MYO18B: variants seen among roughly 807,000 people sequenced by gnomAD.
MYO18B encodes unconventional myosin-XVIIIb.
MYO18B carries 204 observed loss-of-function variants against 273.0 expected under a neutral mutation model. The ratio of observed to expected loss-of-function variants is 0.75; its 90% confidence interval spans 0.67 to 0.84. The LOEUF (loss-of-function observed/expected upper bound fraction) is 0.84. MYO18B is among the 40% of genes least tolerant of loss of function. MYO18B has a pLI of 0.00. For missense variants in MYO18B, 3,212 were observed against 3,287.6 expected, an observed-to-expected ratio of 0.98 and a Z score of 0.56; for synonymous variants, 1,330 against 1,305.7, an observed-to-expected ratio of 1.02 and a Z score of -0.40.
At chr22:25,841,859 T>A (rs2269632) in intron 17 of MYO18B, among the ~76,000 whole-genome samples, 1 of 152,156 alleles carries the variant, frequency 6.6e-6, no homozygotes, top group Admixed American at 6.5e-5. Context: ...ACCTGTAGCA[T>A]TGTAAATGCA....
intron 21 of MYO18B, among the ~76,000 whole-genome samples, chr22:25,853,887 G>A (rs923690805): frequency 6.6e-6 from 1 of 152,068 alleles, no homozygotes; most frequent in African/African-American, 2.4e-5. Flanking sequence ...AATTTTGGTA[G>A]CAACGAAAAG....
At chr22:25,856,825 C>G (rs2090587150) in intron 21 of MYO18B, among the ~76,000 whole-genome samples, 1 of 152,128 alleles carries the variant, frequency 6.6e-6, no homozygotes, top group Admixed American at 6.5e-5. Flanking sequence ...TGGGCTTTAT[C>G]AGGTGTTCAG....
At chr22:25,895,401 T>C in intron 28 of MYO18B, 121 bp downstream of exon 28, 1 of 1,221,358 alleles carries the variant, frequency 8.2e-7, no homozygotes, top group Non-Finnish European at 1.1e-6. Flanking sequence ...CACAAACCCC[T>C]TAAGGTTTTT....
At chr22:25,835,207 C>T in intron 16 of MYO18B, 89 bp from the exon 17 acceptor site, 2 of 1,455,902 alleles carry the variant, frequency 1.4e-6, no homozygotes, top group Non-Finnish European at 9.1e-7. Flanking sequence ...GACTTGGATG[C>T]TCTCATTCCC....
intron 11 of MYO18B, among the ~76,000 whole-genome samples, chr22:25,796,579 G>A (rs1158540812): frequency 2.1e-5 from 3 of 141,434 alleles, no homozygotes; most frequent in African/African-American, 8.1e-5. Context: ...CTGGGCCGTA[G>A]AGTGAGACCC....
chr22:25,767,714 T>C (rs1380315290), intron 3 of MYO18B, among the ~76,000 whole-genome samples: 5 of 152,226 alleles, frequency 3.3e-5, no homozygotes, highest in Non-Finnish European at 7.3e-5. Flanking sequence ...GAGGACACAC[T>C]ATGCGCTGGG....
rs755816441 is a variant in MYO18B at position 25,777,808 on chromosome 22, G to A, written c.2068+27G>A. Reference sequence around the variant, plus strand: ...TATGGTGGTCTCTAGGTGACATGGAGAGTTGGGGTCAGCACGGGGAGAGTT... The same window carrying A: ...TATGGTGGTCTCTAGGTGACATGGAAAGTTGGGGTCAGCACGGGGAGAGTT... On this transcript the variant is annotated intron_variant, in intron 8 of 43. Coordinates refer to ENST00000335473, the MANE Select transcript of MYO18B (RefSeq NM_032608.7). The A allele has an allele frequency of 2.6e-6, 4 of 1,559,858 alleles. No homozygotes were observed. The South Asian group carries it at 4.9e-5, about 19-fold the overall frequency.
At chr22:25,813,888 ATCC>A (rs1213685796) in intron 12 of MYO18B, among the ~76,000 whole-genome samples, 1 of 152,130 alleles carries the variant, frequency 6.6e-6, no homozygotes, top group Non-Finnish European at 1.5e-5. Flanking sequence ...CAGACCCTGC[ATCC>A]TCCTCCCTGC....
At chr22:25,921,463 G>A (rs2092341018) in intron 34 of MYO18B, 54 bp downstream of exon 34, 3 of 1,552,864 alleles carry the variant, frequency 1.9e-6, no homozygotes, top group Admixed American at 1.9e-5. Flanking sequence ...GCTACGACCT[G>A]CAGAGAATTG....
At chr22:25,932,463 C>T (rs1363619900) in intron 34 of MYO18B, among the ~76,000 whole-genome samples, 1 of 127,158 alleles carries the variant, frequency 7.9e-6, no homozygotes, top group African/African-American at 3.3e-5. Flanking sequence ...GGCTGGAGTG[C>T]AGTGGCATGA....
intron 11 of MYO18B, among the ~76,000 whole-genome samples, chr22:25,797,521 C>G (rs1323034873): frequency 2.6e-5 from 4 of 152,106 alleles, no homozygotes; most frequent in African/African-American, 9.7e-5. Flanking sequence ...ACCTATAGAC[C>G]CTATATGGCC....
Position 25,761,079 on chromosome 22 carries a change from G to A in MYO18B, c.-14G>A, listed in dbSNP as rs1219423887. 6.2e-7 allele frequency: 1 copy of A among 1,613,340 alleles called. No individual in the cohort carries two copies. Among genetic ancestry groups the A allele is most frequent in the Non-Finnish European group, 8.5e-7 (1 of 1,179,846 alleles). ...TCTCATCTCATCATCTCACGGCCCT[G>A]GCACTGCCTCAGCATGGCCATCTCA... is the stretch of plus-strand genomic sequence containing the variant. On this transcript the variant is annotated 5_prime_UTR_variant, in exon 2 of 44. Transcript: ENST00000335473.
chr22:25,947,691 C>T, intron 35 of MYO18B, 21 bp from the exon 36 acceptor site: 1 of 1,601,102 alleles, frequency 6.2e-7, no homozygotes, highest in Non-Finnish European at 8.5e-7. Flanking sequence ...CTTGCCTTGA[C>T]CACTGATCTG....
In MYO18B at chr22:25,772,495, G is replaced by A. The variant is rs368417901; in HGVS notation, c.1854G>A (p.Val618=). The change falls in exon 7 of 44, where the codon GTG becomes GTA. Residue 618 remains valine (V), a synonymous_variant. Coordinates refer to ENST00000335473, the MANE Select transcript of MYO18B (RefSeq NM_032608.7). ...LIVLQPRGPS[V]PSAGKVPKGR... The stretch of plus-strand genomic sequence containing the variant: ...TCCTCCAGCCCCGGGGGCCCTCGGT[G>A]CCTTCTGCAGGGAAGGTGAGGTGGG... 1,666 of 1,613,702 alleles carry A rather than the reference G, an allele frequency of 1.0e-3. No homozygotes were observed. Among genetic ancestry groups the A allele is most frequent in the Non-Finnish European group, 1.3e-3 (1,509 of 1,179,860 alleles).
intron 1 of MYO18B, among the ~76,000 whole-genome samples, chr22:25,743,267 C>G (rs769361832): frequency 3.0e-4 from 46 of 152,348 alleles, no homozygotes; most frequent in Middle Eastern, 3.4e-3. Flanking sequence ...CTCATGGAGG[C>G]TGAGTGTCCC....
At chr22:25,795,459 C>A (rs912468674) in intron 11 of MYO18B, among the ~76,000 whole-genome samples, 3 of 152,132 alleles carry the variant, frequency 2.0e-5, no homozygotes, top group African/African-American at 4.8e-5. Context: ...TCATTCTTCT[C>A]TTCACACAAG....
At chr22:25,891,007 G>A in intron 26 of MYO18B, 132 bp downstream of exon 26, 1 of 1,324,966 alleles carries the variant, frequency 7.5e-7, no homozygotes, top group East Asian at 2.5e-5. Flanking sequence ...CTGGGCTCAA[G>A]GTCCTGGGGG....
At chr22:25,829,706 C>T (rs1027047982) in intron 15 of MYO18B, among the ~76,000 whole-genome samples, 10 of 151,896 alleles carry the variant, frequency 6.6e-5, no homozygotes, top group South Asian at 4.1e-4. Context: ...GACTCAGTGG[C>T]GCACGCCCAT....
At chr22:26,032,410 T>G (rs2147046309), downstream of MYO18B, among the ~76,000 whole-genome samples, 2 of 152,280 alleles carry the variant, frequency 1.3e-5, no homozygotes, top group South Asian at 4.1e-4. Context: ...GTCTTTCTTC[T>G]GTGTGGCTGC....
Sources: gnomAD v4.1 joint callset for allele counts (sites outside exome capture counted in the v4.1 genomes callset) on GRCh38, gnomAD v4.1.1 for gene constraint, MANE v1.5 for transcripts, NCBI Gene and HGNC (gene_info 2026-07-23, HGNC 2026-07-21) for gene names.